DPP6: variants seen among roughly 807,000 people sequenced by gnomAD.
The protein encoded by DPP6 is A-type potassium channel modulatory protein DPP6.
In DPP6, 69 loss-of-function variants were observed where a neutral mutation model predicts 122.6. The observed-to-expected ratio is 0.56, with a 90% CI of 0.46 to 0.69. The LOEUF is 0.69. Among genes scored for constraint, DPP6 ranks in the 30% least tolerant of loss-of-function variants. DPP6 has a pLI of 0.00. For missense variants in DPP6, 928 were observed against 1,116.9 expected (o/e 0.83, Z 2.41); for synonymous variants, 418 against 433.1 (o/e 0.97, Z 0.43).
chr7:154,404,509 A>C (rs751592236), intron 1 of DPP6, among the ~76,000 whole-genome samples: 4 of 152,224 alleles, frequency 2.6e-5, no homozygotes, highest in African/African-American at 9.6e-5. Context: ...ATATGAATCA[A>C]TAAGAAGAAA....
At chr7:154,806,570 A>G (rs1418515780) in intron 15 of DPP6, among the ~76,000 whole-genome samples, 1 of 152,128 alleles carries the variant, frequency 6.6e-6, no homozygotes, top group African/African-American at 2.4e-5. Context: ...AGCGTTTGGA[A>G]CCCAGATAAT....
intron 10 of DPP6, among the ~76,000 whole-genome samples, chr7:154,776,000 T>C (rs1568898): frequency 0.76 from 114,787 of 150,874 alleles, 43,900 homozygotes; most frequent in African/African-American, 0.83. Flanking sequence ...CCCCCCGCCG[T>C]TCCCCACTCC....
intron 1 of DPP6, among the ~76,000 whole-genome samples, chr7:153,890,608 A>T (rs1038220657): frequency 6.6e-6 from 1 of 151,940 alleles, no homozygotes; most frequent in Non-Finnish European, 1.5e-5. Context: ...AGGCAGATGC[A>T]CCAGCATACT....
intron 1 of DPP6, among the ~76,000 whole-genome samples, chr7:154,074,143 A>ATATAGATATCTATATATATCTCTCTT (rs1409910255): frequency 2.5e-5 from 1 of 40,562 alleles, no homozygotes. Flanking sequence ...ATATCTCTCT[A>ATATAGATATCTATATATATCTCTCTT]TATATGTATA....
chr7:154,482,954 T>C (rs1317937592), intron 3 of DPP6, among the ~76,000 whole-genome samples: 1 of 152,010 alleles, frequency 6.6e-6, no homozygotes, highest in South Asian at 2.1e-4. Flanking sequence ...GAGTTTGGAG[T>C]GGAAGTCTAT....
At chr7:154,784,075 C>G (rs527838190) in intron 10 of DPP6, among the ~76,000 whole-genome samples, 37 of 152,160 alleles carry the variant, frequency 2.4e-4, no homozygotes, top group Admixed American at 5.9e-4. Flanking sequence ...CTGGGACTTT[C>G]CTGCTTGGAG....
chr7:154,839,359 A>G (rs1453996022), intron 16 of DPP6, among the ~76,000 whole-genome samples: 1 of 152,238 alleles, frequency 6.6e-6, no homozygotes, highest in South Asian at 2.1e-4. Context: ...TGATAAAGAC[A>G]TAGACTCACA....
intron 6 of DPP6, among the ~76,000 whole-genome samples, chr7:154,668,934 G>GT (rs1376314324): frequency 6.6e-6 from 1 of 152,184 alleles, no homozygotes; most frequent in Admixed American, 6.5e-5. Context: ...CACCAGGTTT[G>GT]TAAGGTCATA....
At chr7:153,804,713 T>C in the DPP6 span, among the ~76,000 whole-genome samples, 1 of 151,944 alleles carries the variant, frequency 6.6e-6, no homozygotes, top group South Asian at 2.1e-4. Context: ...GCCAACATGG[T>C]GAAATCCCCT....
At chr7:153,813,953 T>C in the DPP6 span, among the ~76,000 whole-genome samples, 3 of 152,186 alleles carry the variant, frequency 2.0e-5, no homozygotes, top group African/African-American at 7.2e-5. Flanking sequence ...TTGAGAAAAT[T>C]TTCTCCCATT....
intron 4 of DPP6, among the ~76,000 whole-genome samples, chr7:154,545,166 T>C (rs1170943121): frequency 6.6e-6 from 1 of 152,242 alleles, no homozygotes; most frequent in East Asian, 1.9e-4. Context: ...TACACTTTAC[T>C]CTTTTAAACA....
chr7:154,792,244 G>T (rs1453344847), intron 10 of DPP6, among the ~76,000 whole-genome samples: 1 of 152,226 alleles, frequency 6.6e-6, no homozygotes, highest in African/African-American at 2.4e-5. Context: ...GCAACCACAG[G>T]CCCCATGTGG....
chr7:154,199,057 C>T (rs1475737454), intron 1 of DPP6, among the ~76,000 whole-genome samples: 1 of 151,112 alleles, frequency 6.6e-6, no homozygotes, highest in African/African-American at 2.4e-5. Flanking sequence ...TGTGGGGACA[C>T]CTGGCAGGAG....
At chr7:154,214,666 C>T (rs1057203055) in intron 1 of DPP6, among the ~76,000 whole-genome samples, 1 of 152,136 alleles carries the variant, frequency 6.6e-6, no homozygotes, top group Non-Finnish European at 1.5e-5. Context: ...CCTGTAATTC[C>T]AACACTTTGG....
chr7:154,554,144 C>T (rs1220009082), intron 4 of DPP6, among the ~76,000 whole-genome samples: 1 of 152,258 alleles, frequency 6.6e-6, no homozygotes, highest in East Asian at 1.9e-4. Context: ...TAGGTGAATT[C>T]AGGGCCCAGA....
chr7:153,813,973 G>T, the DPP6 span, among the ~76,000 whole-genome samples: 1 of 152,162 alleles, frequency 6.6e-6, no homozygotes, highest in South Asian at 2.1e-4. Context: ...TCTGTAGGTT[G>T]CCTGTTCACT....
chr7:154,073,949 G>T (rs62485617), intron 1 of DPP6, among the ~76,000 whole-genome samples: 28,091 of 150,112 alleles, frequency 0.19, 57 homozygotes, highest in East Asian at 0.33. Flanking sequence ...TTGTGCCACT[G>T]CACTCCAGCC....
chr7:153,975,583 A>ATT (rs199877652), intron 1 of DPP6, among the ~76,000 whole-genome samples: 4 of 146,766 alleles, frequency 2.7e-5, no homozygotes, highest in Non-Finnish European at 6.0e-5. Flanking sequence ...TGAGAGTTCT[A>ATT]TTTTTTTTTT....
intron 1 of DPP6, among the ~76,000 whole-genome samples, chr7:153,933,682 T>TTCTC (rs3060876): frequency 1.3e-5 from 2 of 150,428 alleles, no homozygotes; most frequent in Admixed American, 6.6e-5. Flanking sequence ...CATTGCCACA[T>TTCTC]TCTCTCTCTC....
Sources: allele counts gnomAD v4.1 joint callset (sites outside exome capture counted in the v4.1 genomes callset), GRCh38; gene constraint gnomAD v4.1.1; transcripts MANE v1.5; gene names NCBI Gene and HGNC (gene_info 2026-07-23, HGNC 2026-07-21).